TUSC3: variants seen among roughly 807,000 people sequenced by gnomAD.
The protein encoded by TUSC3 is tumor suppressor candidate 3.
TUSC3 carries 45 observed loss-of-function variants against 44.8 expected under a neutral mutation model. That is an observed-to-expected ratio of 1.00 (90% CI 0.79 to 1.29). The LOEUF (loss-of-function observed/expected upper bound fraction) is 1.29, where lower values mean the gene tolerates loss of function less well. TUSC3 is among the 50% of genes most tolerant of loss of function. The pLI, the probability that TUSC3 is intolerant of heterozygous loss-of-function variation, is 0.00. For missense variants in TUSC3, 519 were observed against 437.9 expected (o/e 1.19, Z -1.65); for synonymous variants, 212 against 152.9 (o/e 1.39, Z -2.85).
chr8:15,827,485 T>G, the TUSC3 span, among the ~76,000 whole-genome samples: 2 of 152,144 alleles, frequency 1.3e-5, no homozygotes, highest in African/African-American at 2.4e-5. Flanking sequence ...GATTGAAAAT[T>G]TCTCATTATT....
At chr8:15,600,956 C>T (rs753421701) in intron 1 of TUSC3, among the ~76,000 whole-genome samples, 1 of 151,498 alleles carries the variant, frequency 6.6e-6, no homozygotes, top group Non-Finnish European at 1.5e-5. Flanking sequence ...GTGCTAAATA[C>T]TTTGTATTTA....
At chr8:15,610,747 A>T (rs13256256) in intron 1 of TUSC3, among the ~76,000 whole-genome samples, 2,337 of 152,308 alleles carry the variant, frequency 0.015, 28 homozygotes, top group Non-Finnish European at 0.024. Context: ...ATTAGAGCGT[A>T]AAAGTTTTAC....
chr8:15,488,505 A>C (rs534461653), intron 2 of TUSC3, among the ~76,000 whole-genome samples: 1 of 151,994 alleles, frequency 6.6e-6, no homozygotes, highest in Non-Finnish European at 1.5e-5. Context: ...CTCTCTCAAA[A>C]ATAAACTGTT....
chr8:15,616,636 A>C (rs942835179), intron 1 of TUSC3, among the ~76,000 whole-genome samples: 1 of 152,180 alleles, frequency 6.6e-6, no homozygotes, highest in African/African-American at 2.4e-5. Context: ...TAAAACTATC[A>C]AGCTCAATTG....
chr8:15,530,344 A>C (rs973149791), intron 2 of TUSC3, among the ~76,000 whole-genome samples: 1 of 152,126 alleles, frequency 6.6e-6, no homozygotes, highest in African/African-American at 2.4e-5. Flanking sequence ...CATAGTGGAT[A>C]AGTTGATGTG....
At chr8:15,564,913 C>T (rs896015731) in intron 1 of TUSC3, among the ~76,000 whole-genome samples, 1 of 152,086 alleles carries the variant, frequency 6.6e-6, no homozygotes, top group Non-Finnish European at 1.5e-5. Flanking sequence ...GGAGAGAGGC[C>T]ACTGTTCTTT....
intron 2 of TUSC3, among the ~76,000 whole-genome samples, chr8:15,634,265 CAG>C (rs1192281482): frequency 6.6e-6 from 1 of 152,182 alleles, no homozygotes; most frequent in East Asian, 1.9e-4. Flanking sequence ...GCAGTGCCTT[CAG>C]TGTAGCCTCT....
chr8:15,829,836 A>G, the TUSC3 span, among the ~76,000 whole-genome samples: 11 of 152,176 alleles, frequency 7.2e-5, 1 homozygote, highest in East Asian at 2.1e-3. Flanking sequence ...GGCTGGGTCT[A>G]ATAGTTTTAA....
intron 6 of TUSC3, among the ~76,000 whole-genome samples, chr8:15,682,694 G>A (rs1023152645): frequency 6.6e-6 from 1 of 152,116 alleles, no homozygotes; most frequent in Admixed American, 6.6e-5. Context: ...GGTGGTGTTA[G>A]CTGGGTTAAC....
chr8:15,656,774 A>G (rs1807188168), intron 3 of TUSC3, among the ~76,000 whole-genome samples: 1 of 152,230 alleles, frequency 6.6e-6, no homozygotes, highest in African/African-American at 2.4e-5. Flanking sequence ...TGCCTCTGCA[A>G]CAAGTCTTTA....
the TUSC3 span, among the ~76,000 whole-genome samples, chr8:15,819,307 T>C: frequency 2.6e-5 from 4 of 152,210 alleles, no homozygotes; most frequent in South Asian, 2.1e-4. Context: ...TCTTATACTT[T>C]AATTTTACAG....
At chr8:15,460,288 G>A (rs911530634) in intron 1 of TUSC3, among the ~76,000 whole-genome samples, 3 of 152,104 alleles carry the variant, frequency 2.0e-5, no homozygotes, top group African/African-American at 7.2e-5. Context: ...CTGATTGTTA[G>A]TGATGTTGAG....
chr8:15,758,114 C>A (rs899077413), intron 10 of TUSC3: 2 of 1,211,368 alleles, frequency 1.7e-6, no homozygotes, highest in African/African-American at 1.5e-5. Context: ...CCACCCCCAA[C>A]AAATATACTT....
chr8:15,504,474 A>G (rs1350361665), intron 2 of TUSC3, among the ~76,000 whole-genome samples: 1 of 150,848 alleles, frequency 6.6e-6, no homozygotes, highest in Non-Finnish European at 1.5e-5. Context: ...GTTCATTAAG[A>G]AACATATTTC....
Position 15,540,282 on chromosome 8 carries a change from T to TCGGC in TUSC3, c.-146_-143dup. 8.6e-7 allele frequency: 1 copy of TCGGC among 1,165,852 alleles called. No individual in the cohort carries two copies. The highest frequency in any genetic ancestry group is 1.1e-6 in the Non-Finnish European group (1 of 892,912). The allele number at this position is 1,165,852 out of a possible 1,614,324, so 72.2% of individuals were successfully genotyped here. A position where few individuals can be genotyped will look rare whatever the true frequency, so the allele number is the denominator to read the frequency against. ...TCTGTCAGTCTCCTCCTCTGCGTCCTCGGCCGCGGCCCGGGTCCCTCGCAA... is the reference window on the plus strand; with the variant it reads ...TCTGTCAGTCTCCTCCTCTGCGTCCTCGGCCGGCCGCGGCCCGGGTCCCTCGCAA... On this transcript the variant is annotated 5_prime_UTR_variant, in exon 1 of 11. Coordinates refer to ENST00000503731, the MANE Select transcript of TUSC3 (RefSeq NM_006765.4).
intron 1 of TUSC3, among the ~76,000 whole-genome samples, chr8:15,576,280 T>TA (rs1803107707): frequency 9.6e-6 from 1 of 104,030 alleles, no homozygotes; most frequent in Admixed American, 9.3e-5. Flanking sequence ...GGTCCTCTTG[T>TA]TTTTTTTTTT....
downstream of TUSC3, among the ~76,000 whole-genome samples, chr8:15,769,894 G>A (rs11989374): frequency 0.031 from 4,651 of 152,222 alleles, 79 homozygotes; most frequent in South Asian, 0.055. Context: ...TTAGAATGGC[G>A]ATCATTGAAA....
chr8:15,581,861 C>CGGCTGCTTT lies in TUSC3; in HGVS notation c.139-41218_139-41217insGCTGCTTTG, dbSNP rs1554517877. On this transcript the variant is annotated intron_variant, in intron 1 of 10. Coordinates refer to ENST00000503731, the MANE Select transcript of TUSC3 (RefSeq NM_006765.4). ...TGGGCTCCACCCAGTTGGAGCTTCC[C>CGGCTGCTTT]GTTTACCTAATCAAGCCTGGGCAAT... is the stretch of plus-strand genomic sequence containing the variant. Among the ~76,000 whole-genome samples, 167 of 91,324 alleles carry CGGCTGCTTT rather than the reference C, an allele frequency of 1.8e-3. 1 individual carries two copies. The highest frequency in any genetic ancestry group is 0.011 in the Middle Eastern group (2 of 176). 59.9% of individuals were successfully genotyped at this position (91,324 alleles called of 152,430 possible).
At chr8:15,618,184 C>T (rs576415878) in intron 1 of TUSC3, among the ~76,000 whole-genome samples, 4 of 152,058 alleles carry the variant, frequency 2.6e-5, no homozygotes, top group Admixed American at 6.5e-5. Flanking sequence ...AGGCCTGGGA[C>T]GTTACTGTAC....
Sources: allele counts gnomAD v4.1 joint callset (sites outside exome capture counted in the v4.1 genomes callset), GRCh38; gene constraint gnomAD v4.1.1; transcripts MANE v1.5; gene names NCBI Gene and HGNC (gene_info 2026-07-23, HGNC 2026-07-21).